DLG2: variants seen among roughly 807,000 people sequenced by gnomAD.
DLG2 encodes discs large MAGUK scaffold protein 2.
In DLG2, 45 loss-of-function variants were observed where a neutral mutation model predicts 132.5. That is an observed-to-expected ratio of 0.34 (90% confidence interval 0.27 to 0.44). DLG2 has a LOEUF of 0.44. Ranked by LOEUF, DLG2 falls within the 20% of genes least tolerant of loss-of-function variation. The pLI is 1.00. For missense variants in DLG2, 1,045 were observed against 1,196.9 expected, an observed-to-expected ratio of 0.87 and a Z score of 1.87; for synonymous variants, 424 against 419.6, an observed-to-expected ratio of 1.01 and a Z score of -0.13.
chr11:84,613,205 A>G (rs779755984), intron 6 of DLG2, among the ~76,000 whole-genome samples: 3 of 152,140 alleles, frequency 2.0e-5, no homozygotes, highest in Non-Finnish European at 2.9e-5. Context: ...TGTTCAGGAA[A>G]ACCAAATCAG....
chr11:84,055,295 C>T (rs2096479687), intron 11 of DLG2, among the ~76,000 whole-genome samples: 1 of 152,052 alleles, frequency 6.6e-6, no homozygotes, highest in African/African-American at 2.4e-5. Flanking sequence ...TTTCTCCTTC[C>T]TCCAAGTAAC....
At chr11:83,720,294 GAAAAAAAAAAAAAA>G (rs10573464) in intron 18 of DLG2, among the ~76,000 whole-genome samples, 35 of 27,304 alleles carry the variant, frequency 1.3e-3, no homozygotes, top group Admixed American at 2.6e-3. Flanking sequence ...CTCCATCTCA[GAAAAAAAAAAAAAA>G]AAAAAAAAAA....
chr11:85,540,422 C>G (rs1030493798), intron 3 of DLG2, among the ~76,000 whole-genome samples: 2 of 152,142 alleles, frequency 1.3e-5, no homozygotes, highest in Non-Finnish European at 2.9e-5. Flanking sequence ...GGAATTTGGT[C>G]AGTAGTGATC....
intron 18 of DLG2, among the ~76,000 whole-genome samples, chr11:83,683,612 A>G (rs2079189756): frequency 6.6e-6 from 1 of 152,218 alleles, no homozygotes; most frequent in Non-Finnish European, 1.5e-5. Flanking sequence ...TTTTATCTGT[A>G]AAATGGGTAT....
chr11:85,460,938 C>T (rs948059327), intron 3 of DLG2, among the ~76,000 whole-genome samples: 13 of 152,036 alleles, frequency 8.6e-5, no homozygotes, highest in Non-Finnish European at 7.4e-5. Context: ...ATTTGTTTTG[C>T]CTTTTGGCTT....
intron 18 of DLG2, among the ~76,000 whole-genome samples, chr11:83,680,804 T>A (rs1040606049): frequency 6.6e-6 from 1 of 152,114 alleles, no homozygotes; most frequent in African/African-American, 2.4e-5. Context: ...AGAAATAACT[T>A]TATTGGAAGT....
chr11:84,408,475 C>T (rs1406658477), intron 7 of DLG2, among the ~76,000 whole-genome samples: 2 of 152,086 alleles, frequency 1.3e-5, no homozygotes, highest in Admixed American at 6.6e-5. Context: ...TTATTTAAGA[C>T]AATTAACCAG....
At chr11:84,999,142 T>C (rs1174222728) in intron 6 of DLG2, among the ~76,000 whole-genome samples, 1 of 151,694 alleles carries the variant, frequency 6.6e-6, no homozygotes, top group African/African-American at 2.4e-5. Context: ...TGACCACTCT[T>C]GGATGAATCA....
In DLG2 at chr11:83,499,246, C is replaced by T. The variant is rs528054962; in HGVS notation, c.2194-15018G>A. 3.9e-5 allele frequency among the ~76,000 whole-genome samples: 6 copies of T among 152,190 alleles called. No individual in the cohort carries two copies. The South Asian group carries it at 1.2e-3, about 32-fold the overall frequency. ...AGATACCAAAATTTGACAAAGATAT[C>T]ACGAGAAAAGAAGACTACAAACCAA... is the stretch of plus-strand genomic sequence containing the variant. On this transcript the variant is annotated intron_variant, in intron 21 of 27. Coordinates refer to ENST00000376104, the MANE Select transcript of DLG2 (RefSeq NM_001142699.3).
intron 19 of DLG2, among the ~76,000 whole-genome samples, chr11:83,556,886 A>C (rs1183195797): frequency 6.6e-6 from 1 of 152,214 alleles, no homozygotes; most frequent in African/African-American, 2.4e-5. Flanking sequence ...AACCAGAGGT[A>C]AAAGGCATTC....
At chr11:83,699,493 G>C (rs2082491103) in intron 18 of DLG2, among the ~76,000 whole-genome samples, 1 of 150,156 alleles carries the variant, frequency 6.7e-6, no homozygotes. Context: ...TCAGGAGATC[G>C]AGACCATCCT....
intron 6 of DLG2, among the ~76,000 whole-genome samples, chr11:84,843,364 A>G (rs1220960510): frequency 1.3e-5 from 2 of 151,616 alleles, no homozygotes; most frequent in African/African-American, 2.4e-5. Flanking sequence ...TACTCACTAT[A>G]TGACTGTTGA....
At chr11:83,511,044 A>AAAAAC (rs58621950) in intron 21 of DLG2, among the ~76,000 whole-genome samples, 1 of 137,660 alleles carries the variant, frequency 7.3e-6, no homozygotes, top group African/African-American at 2.7e-5. Context: ...AAAAAAAAAA[A>AAAAAC]CCCTCTCTGT....
At chr11:83,586,251 A>C (rs1271425323) in intron 19 of DLG2, among the ~76,000 whole-genome samples, 2 of 152,236 alleles carry the variant, frequency 1.3e-5, no homozygotes, top group Non-Finnish European at 2.9e-5. Context: ...GAGTAAACTT[A>C]AGTGTCATTC....
At chr11:84,340,460 AAG>A (rs1270754231) in intron 7 of DLG2, among the ~76,000 whole-genome samples, 1 of 152,214 alleles carries the variant, frequency 6.6e-6, no homozygotes, top group African/African-American at 2.4e-5. Flanking sequence ...AGAGGTCAGA[AAG>A]AGAGAAAAAA....
chr11:83,871,033 T>C (rs893479522), intron 16 of DLG2, among the ~76,000 whole-genome samples: 1 of 152,216 alleles, frequency 6.6e-6, no homozygotes, highest in Non-Finnish European at 1.5e-5. Context: ...TACCCTTCAA[T>C]CAGCTTTCTG....
chr11:83,962,857 A>G, intron 14 of DLG2, 28 bp downstream of exon 14: 1 of 1,610,416 alleles, frequency 6.2e-7, no homozygotes, highest in Non-Finnish European at 8.5e-7. Flanking sequence ...ATAAGAGCAA[A>G]TCCAATTAAC....
intron 3 of DLG2, among the ~76,000 whole-genome samples, chr11:85,354,923 A>T (rs2083576064): frequency 2.0e-5 from 3 of 149,368 alleles, no homozygotes; most frequent in Admixed American, 1.3e-4. Context: ...TTCATAAATT[A>T]AAAAAAAAAC....
At chr11:85,281,757 C>T (rs534275296) in intron 4 of DLG2, among the ~76,000 whole-genome samples, 120 of 152,014 alleles carry the variant, frequency 7.9e-4, no homozygotes, top group Non-Finnish European at 1.5e-3. Context: ...ACACTGTTGG[C>T]AGAAATGCAA....
Sources: allele counts gnomAD v4.1 joint callset (sites outside exome capture counted in the v4.1 genomes callset), GRCh38; gene constraint gnomAD v4.1.1; transcripts MANE v1.5; gene names NCBI Gene and HGNC (gene_info 2026-07-23, HGNC 2026-07-21).